APOD: variants seen among roughly 807,000 people sequenced by gnomAD.
The protein encoded by APOD is apo-D.
Under a neutral mutation model 20.4 loss-of-function variants are expected in APOD, and 22 were observed. That is an observed-to-expected ratio of 1.08 (90% CI 0.77 to 1.54). The LOEUF (loss-of-function observed/expected upper bound fraction) is 1.54, where lower values mean the gene tolerates loss of function less well. APOD is among the 40% of genes most tolerant of loss of function. APOD has a pLI of 0.00. For missense variants in APOD, 223 were observed against 229.6 expected (o/e 0.97, Z 0.19); for synonymous variants, 97 against 92.4 (o/e 1.05, Z -0.29).
chr3:195,579,825 G>C (rs980836166), intron 1 of APOD, among the ~76,000 whole-genome samples: 37 of 152,206 alleles, frequency 2.4e-4, no homozygotes, highest in Admixed American at 1.0e-3. Context: ...GGACCTCAAA[G>C]TGTCGGCTCA....
intron 3 of APOD, among the ~76,000 whole-genome samples, chr3:195,573,403 T>A (rs1720198142): frequency 6.6e-6 from 1 of 152,234 alleles, no homozygotes; most frequent in African/African-American, 2.4e-5. Flanking sequence ...GTGTATGTGA[T>A]TCTTGCTTAA....
intron 2 of APOD, 75 bp downstream of exon 2, chr3:195,579,264 C>A: frequency 6.3e-7 from 1 of 1,585,504 alleles, no homozygotes; most frequent in Non-Finnish European, 8.6e-7. Flanking sequence ...ATTAAAGCAG[C>A]ATAATTACAT....
chr3:195,577,689 T>G (rs1459681189), intron 2 of APOD, among the ~76,000 whole-genome samples: 1 of 152,202 alleles, frequency 6.6e-6, no homozygotes, highest in Non-Finnish European at 1.5e-5. Context: ...ATACAGTCAA[T>G]TGATTTCCTA....
At chr3:195,575,958 G>A (rs1160561625) in intron 2 of APOD, among the ~76,000 whole-genome samples, 2 of 152,078 alleles carry the variant, frequency 1.3e-5, no homozygotes, top group Non-Finnish European at 2.9e-5. Context: ...AAAGAGATGC[G>A]CTCACCTTCA....
At chr3:195,569,785 C>CTT (rs1560457392) in intron 4 of APOD, among the ~76,000 whole-genome samples, 30 of 86,912 alleles carry the variant, frequency 3.5e-4, no homozygotes, top group African/African-American at 1.2e-3. Flanking sequence ...TCTTCTTCTT[C>CTT]GTTTTTTTTT....
chr3:195,581,748 T>G (rs1720342201), intron 1 of APOD, among the ~76,000 whole-genome samples: 1 of 152,240 alleles, frequency 6.6e-6, no homozygotes, highest in Non-Finnish European at 1.5e-5. Context: ...TTCTACATCT[T>G]ACTCTGACAA....
chr3:195,572,428 C>T (rs1263345136), intron 3 of APOD, among the ~76,000 whole-genome samples: 1 of 152,244 alleles, frequency 6.6e-6, no homozygotes, highest in Non-Finnish European at 1.5e-5. Flanking sequence ...TTAGCAGTGT[C>T]ATTCCTTTCT....
intron 2 of APOD, among the ~76,000 whole-genome samples, chr3:195,577,426 T>G (rs2108970118): frequency 6.6e-6 from 1 of 152,330 alleles, no homozygotes; most frequent in East Asian, 1.9e-4. Flanking sequence ...TCTTCAGATT[T>G]AATGCAATCT....
At chr3:195,571,157 T>A in intron 4 of APOD, 120 bp downstream of exon 4, 1 of 878,692 alleles carries the variant, frequency 1.1e-6, no homozygotes, top group South Asian at 1.3e-5. Flanking sequence ...GACAGATAAT[T>A]ATGTGCTGAG....
chr3:195,569,446 G>T (rs1010131502), intron 4 of APOD, among the ~76,000 whole-genome samples: 1 of 152,130 alleles, frequency 6.6e-6, no homozygotes, highest in Admixed American at 6.5e-5. Context: ...GCTGCTCTGT[G>T]TATTCCCAGG....
chr3:195,572,220 C>G (rs1205335646), intron 3 of APOD, among the ~76,000 whole-genome samples: 1 of 152,190 alleles, frequency 6.6e-6, no homozygotes, highest in African/African-American at 2.4e-5. Flanking sequence ...ATCGCCTGTC[C>G]CATCAAGGGG....
In APOD at chr3:195,569,000, G is replaced by A; in HGVS notation, c.470C>T (p.Pro157Leu). Reference sequence around the variant, plus strand: ...ATTTTTTAGAGAGTCCACTGTTTCTGGAGGGAGATTAGGGTTTCTTGCCAA... The same window carrying A: ...ATTTTTTAGAGAGTCCACTGTTTCTAGAGGGAGATTAGGGTTTCTTGCCAA... ...WILARNPNLP[P>L]ETVDSLKNIL... Residue 157 changes from proline (P) to leucine (L), a missense_variant, in exon 5 of 5, where the codon CCA (proline) becomes CTA (leucine). Transcript: ENST00000343267. The A allele has an allele frequency of 1.2e-6, 2 of 1,614,128 alleles. No homozygotes were observed. Among genetic ancestry groups the A allele is most frequent in the Non-Finnish European group, 1.7e-6 (2 of 1,179,976 alleles).
intron 1 of APOD, among the ~76,000 whole-genome samples, chr3:195,580,576 G>T (rs758073760): frequency 6.6e-6 from 1 of 151,780 alleles, no homozygotes; most frequent in Non-Finnish European, 1.5e-5. Context: ...GGCTAATTTT[G>T]GTATTTTTAG....
intron 1 of APOD, among the ~76,000 whole-genome samples, chr3:195,581,343 G>A (rs920405488): frequency 2.6e-5 from 4 of 152,096 alleles, no homozygotes; most frequent in African/African-American, 9.7e-5. Context: ...TAACCTTTTG[G>A]GGGATGATGA....
intron 2 of APOD, among the ~76,000 whole-genome samples, chr3:195,579,089 G>A (rs1720292211): frequency 6.6e-6 from 1 of 152,160 alleles, no homozygotes; most frequent in Non-Finnish European, 1.5e-5. Flanking sequence ...GCTCAGGAAC[G>A]CACCCTTTAT....
In APOD at chr3:195,581,049, C is replaced by T. The variant is rs115640385; in HGVS notation, c.-34-1554G>A. On this transcript the variant is annotated intron_variant, in intron 1 of 4. Transcript: ENST00000343267. ...AAAATGTTCTCAGATCTGAGCATTT[C>T]GAAGGATGTGTCATTACAGGAATAA... 4.2e-3 allele frequency among the ~76,000 whole-genome samples: 645 copies of T among 152,320 alleles called. 6 individuals are homozygous for T. Among genetic ancestry groups the T allele is most frequent in the African/African-American group, 0.014 (569 of 41,560 alleles).
chr3:195,574,893 G>T (rs575549220), intron 2 of APOD, among the ~76,000 whole-genome samples: 4 of 152,326 alleles, frequency 2.6e-5, no homozygotes, highest in African/African-American at 9.6e-5. Flanking sequence ...GTACAAAATA[G>T]TGTATCTATT....
intron 1 of APOD, among the ~76,000 whole-genome samples, chr3:195,580,368 C>CTTTTTTT (rs201305902): frequency 2.8e-5 from 4 of 140,638 alleles, no homozygotes; most frequent in African/African-American, 1.1e-4. Flanking sequence ...TTTCTTTCTT[C>CTTTTTTT]TTTTTTTTTT....
chr3:195,573,733 G>A (rs536279217), intron 3 of APOD, 117 bp downstream of exon 3: 3 of 1,316,074 alleles, frequency 2.3e-6, no homozygotes, highest in Non-Finnish European at 3.1e-6. Flanking sequence ...TTCCTGCTAG[G>A]AGCAGGCAGT....
Sources: gnomAD v4.1 joint callset for allele counts (sites outside exome capture counted in the v4.1 genomes callset) on GRCh38, gnomAD v4.1.1 for gene constraint, MANE v1.5 for transcripts, NCBI Gene and HGNC (gene_info 2026-07-23, HGNC 2026-07-21) for gene names.